NPR3: variants seen among roughly 807,000 people sequenced by gnomAD.
NPR3 encodes the protein atrial natriuretic peptide receptor 3.
A neutral mutation model predicts 54.5 loss-of-function variants in NPR3; 34 were observed. The ratio of observed to expected loss-of-function variants is 0.62; its 90% CI spans 0.47 to 0.83. The LOEUF (loss-of-function observed/expected upper bound fraction) is 0.83. NPR3 is among the 40% of genes least tolerant of loss of function. NPR3 has a pLI of 0.00. For synonymous variants in NPR3, 289 were observed against 297.1 expected (o/e 0.97, Z 0.28); for missense variants, 674 against 720.8 (o/e 0.94, Z 0.74).
chr5:32,770,595 A>T (rs1473088503), intron 3 of NPR3, among the ~76,000 whole-genome samples: 1 of 152,178 alleles, frequency 6.6e-6, no homozygotes, highest in Non-Finnish European at 1.5e-5. Flanking sequence ...CAGCACCAAT[A>T]ATGATTACCC....
rs1579718965 is a variant in NPR3, at chr5:32,786,797, C to T, written c.*452C>T. ...AAGGGGAAAATGTAATGAAAAATCTCAAGGTTGGAAATACAGCCTTACTCT... is the reference window on the plus strand; with the variant it reads ...AAGGGGAAAATGTAATGAAAAATCTTAAGGTTGGAAATACAGCCTTACTCT... On this transcript the variant is annotated 3_prime_UTR_variant, in exon 8 of 8. Transcript: ENST00000265074. 5.6e-6 allele frequency: 1 copy of T among 179,396 alleles called. No homozygotes were observed. Among genetic ancestry groups the T allele is most frequent in the Admixed American group, 6.5e-5 (1 of 15,486 alleles). 11.1% of individuals were successfully genotyped at this position (179,396 alleles called of 1,614,324 possible).
chr5:32,724,298 TA>T (rs1467349099), intron 1 of NPR3, among the ~76,000 whole-genome samples: 1 of 152,256 alleles, frequency 6.6e-6, no homozygotes, highest in Non-Finnish European at 1.5e-5. Flanking sequence ...TTGTTCAGTC[TA>T]GAATGTCTCT....
chr5:32,732,021 C>G (rs953555606), intron 2 of NPR3, among the ~76,000 whole-genome samples: 2 of 151,838 alleles, frequency 1.3e-5, no homozygotes, highest in African/African-American at 4.8e-5. Context: ...GCGGGTGGAT[C>G]ATGAGGTCAG....
rs1055685349 is a variant in NPR3, at chr5:32,768,190, G to A, written c.1060-6518G>A. 9.2e-5 allele frequency among the ~76,000 whole-genome samples: 14 copies of A among 152,186 alleles called. 1 individual carries two copies. Among genetic ancestry groups the A allele is most frequent in the African/African-American group, 2.2e-4 (9 of 41,438 alleles). ...ATGTGTCCCGAGCAGTCTTGTGGGG[G>A]TTGGGTCACCAGCCTTTCAGAGGCA... On this transcript the variant is annotated intron_variant, in intron 3 of 7. Coordinates refer to ENST00000265074, the MANE Select transcript of NPR3 (RefSeq NM_001204375.2).
intron 2 of NPR3, among the ~76,000 whole-genome samples, chr5:32,729,563 C>T (rs999237156): frequency 4.6e-5 from 7 of 152,112 alleles, no homozygotes; most frequent in African/African-American, 1.7e-4. Flanking sequence ...GTATGAACAC[C>T]ATAGGTTTTC....
intron 3 of NPR3, among the ~76,000 whole-genome samples, chr5:32,748,395 G>C (rs939984682): frequency 3.3e-5 from 5 of 151,680 alleles, no homozygotes; most frequent in African/African-American, 1.2e-4. Flanking sequence ...GATGCCAAAT[G>C]CAAGAATAAT....
Position 32,711,669 on chromosome 5 carries a change from A to C in NPR3, c.-108A>C, listed in dbSNP as rs1360712490. On this transcript the variant is annotated 5_prime_UTR_variant, in exon 1 of 8. Coordinates refer to ENST00000265074, the MANE Select transcript of NPR3 (RefSeq NM_001204375.2). ...GTATTCTATTTTGTTAAAGCGCCCAAGGGGGCGCAGGGACCTTGGAGAGAA... is the reference window on the plus strand; with the variant it reads ...GTATTCTATTTTGTTAAAGCGCCCACGGGGGCGCAGGGACCTTGGAGAGAA... 2 of 1,302,996 alleles carry C rather than the reference A, an allele frequency of 1.5e-6. No homozygotes were observed. Among genetic ancestry groups the C allele is most frequent in the East Asian group, 3.0e-5 (1 of 33,148 alleles). The allele number at this position is 1,302,996 out of a possible 1,614,324, so 80.7% of individuals were successfully genotyped here.
At chr5:32,734,551 A>G (rs1391517782) in intron 2 of NPR3, among the ~76,000 whole-genome samples, 4 of 152,190 alleles carry the variant, frequency 2.6e-5, no homozygotes, top group Admixed American at 6.5e-5. Context: ...TCAATACAGC[A>G]TTAGAATCCA....
chr5:32,755,873 G>A (rs978609319), intron 3 of NPR3, among the ~76,000 whole-genome samples: 1 of 152,060 alleles, frequency 6.6e-6, no homozygotes, highest in Non-Finnish European at 1.5e-5. Context: ...TTGTTCTTGC[G>A]ATAGTTTGCT....
Position 32,754,627 on chromosome 5 carries a change from TCTC to T in NPR3, c.1059+15601_1059+15603del, listed in dbSNP as rs1254792116. Among the ~76,000 whole-genome samples, 6 of 152,244 alleles carry T rather than the reference TCTC, an allele frequency of 3.9e-5. No homozygotes were observed. In the East Asian group the frequency reaches 1.2e-3, roughly 29 times the overall value. On this transcript the variant is annotated intron_variant, in intron 3 of 7. Coordinates refer to ENST00000265074, the MANE Select transcript of NPR3 (RefSeq NM_001204375.2). The stretch of plus-strand genomic sequence containing the variant: ...TTAGTATTTATCTTCTGATTTTTTT[TCTC>T]CTCTGGGGTGAACTTGCTTCTTGTA...
intron 1 of NPR3, among the ~76,000 whole-genome samples, chr5:32,719,394 A>C (rs912138692): frequency 1.3e-5 from 2 of 152,112 alleles, no homozygotes; most frequent in African/African-American, 4.8e-5. Context: ...GTGATTGAAA[A>C]ATTTTCATCA....
At chr5:32,763,505 G>A (rs1038901304) in intron 3 of NPR3, among the ~76,000 whole-genome samples, 1 of 148,932 alleles carries the variant, frequency 6.7e-6, no homozygotes, top group Non-Finnish European at 1.5e-5. Context: ...TAAGAGTCAG[G>A]GTTTGATCAT....
In NPR3 at chr5:32,774,695, G is replaced by A. The variant is rs760072089; in HGVS notation, c.1060-13G>A. The A allele has an allele frequency of 6.2e-7, 1 of 1,608,194 alleles. No individual in the cohort carries two copies. Among genetic ancestry groups the A allele is most frequent in the Non-Finnish European group, 8.5e-7 (1 of 1,174,654 alleles). On this transcript the variant is annotated splice_polypyrimidine_tract_variant and intron_variant, in intron 3 of 7. Transcript: ENST00000265074. ...TGGTGTTTTGGTTCACCCATCTGGG[G>A]TTTTCTTTTCAGGTTAACATGTTTG... is the stretch of plus-strand genomic sequence containing the variant.
At chr5:32,695,227 G>T (rs892989836) in intron 1 of NPR3, among the ~76,000 whole-genome samples, 1 of 152,176 alleles carries the variant, frequency 6.6e-6, no homozygotes, top group Non-Finnish European at 1.5e-5. Context: ...ATACCCAACA[G>T]AGGGGTTGCT....
intron 4 of NPR3, among the ~76,000 whole-genome samples, chr5:32,779,905 C>T (rs1742249585): frequency 6.6e-6 from 1 of 152,184 alleles, no homozygotes; most frequent in African/African-American, 2.4e-5. Flanking sequence ...TCCAAAGCCT[C>T]TTGGTAGGGA....
intron 3 of NPR3, among the ~76,000 whole-genome samples, chr5:32,770,117 G>A (rs1053695573): frequency 8.5e-5 from 13 of 152,208 alleles, no homozygotes; most frequent in African/African-American, 3.1e-4. Context: ...CTGGCCAGCT[G>A]CAAAGGACAG....
At position 32,730,208 on chromosome 5, in the gene NPR3, AG is replaced by A. The variant is rs534107888; in HGVS notation, c.892+5390del. On this transcript the variant is annotated intron_variant, in intron 2 of 7. Transcript: ENST00000265074. ...TCAAATTAAGGAAGTTAAAAAAAAAAGGTCACATGATCATATCAATAGATAC... is the reference window on the plus strand; with the variant it reads ...TCAAATTAAGGAAGTTAAAAAAAAAAGTCACATGATCATATCAATAGATAC... Among the ~76,000 whole-genome samples the A allele has an allele frequency of 2.0e-3, 306 of 152,160 alleles. 1 individual carries two copies. The Middle Eastern group carries it at 0.037, about 19-fold the overall frequency.
chr5:32,754,053 C>T lies in NPR3; in HGVS notation c.1059+15023C>T, dbSNP rs371244915. The stretch of plus-strand genomic sequence containing the variant: ...AGACTGACAGGCCACTGCCAGCTTC[C>T]TTGGCCACTGTACTAACCAAGGACT... On this transcript the variant is annotated intron_variant, in intron 3 of 7. Coordinates refer to ENST00000265074, the MANE Select transcript of NPR3 (RefSeq NM_001204375.2). Among the ~76,000 whole-genome samples the T allele has an allele frequency of 2.0e-4, 30 of 152,326 alleles. No individual in the cohort carries two copies. The East Asian group carries it at 4.1e-3, about 21-fold the overall frequency.
At chr5:32,718,950 T>C (rs1738705734) in intron 1 of NPR3, among the ~76,000 whole-genome samples, 1 of 152,230 alleles carries the variant, frequency 6.6e-6, no homozygotes, top group Non-Finnish European at 1.5e-5. Flanking sequence ...AAAAACTGCT[T>C]CCAGTTTTTG....
Sources: gnomAD v4.1 joint callset for allele counts (sites outside exome capture counted in the v4.1 genomes callset) on GRCh38, gnomAD v4.1.1 for gene constraint, MANE v1.5 for transcripts, NCBI Gene and HGNC (gene_info 2026-07-23, HGNC 2026-07-21) for gene names.